PHGDH: variants seen among roughly 807,000 people sequenced by gnomAD.
PHGDH encodes phosphoglycerate dehydrogenase, also known as D-3-phosphoglycerate dehydrogenase.
Under a neutral mutation model 52.6 loss-of-function variants are expected in PHGDH, and 50 were observed. That is an observed-to-expected ratio of 0.95 (90% CI 0.76 to 1.20). The LOEUF is 1.20. Ranked by LOEUF, PHGDH falls within the 50% of genes most tolerant of loss-of-function variation. PHGDH has a pLI of 0.00. For synonymous variants in PHGDH, 271 were observed against 280.5 expected (o/e 0.97, Z 0.34); for missense variants, 630 against 684.6 (o/e 0.92, Z 0.89).
chr1:119,724,659 A>AT (rs34327221), intron 3 of PHGDH: 64,054 of 344,866 alleles, frequency 0.19, 2,825 homozygotes, highest in Non-Finnish European at 0.22. Context: ...ACCTTCAGGG[A>AT]TTTTTTTTTT....
At chr1:119,727,289 T>C in intron 5 of PHGDH, 187 bp downstream of exon 5, 1 of 625,186 alleles carries the variant, frequency 1.6e-6, no homozygotes. Flanking sequence ...ACTCAAAAGC[T>C]GGAAATACTT....
At chr1:119,731,125 G>A (rs1195450171) in intron 5 of PHGDH, among the ~76,000 whole-genome samples, 2 of 152,200 alleles carry the variant, frequency 1.3e-5, no homozygotes, top group Non-Finnish European at 2.9e-5. Context: ...AAAGAGCAGT[G>A]TGGTTGTCAG....
At chr1:119,740,649 A>C in intron 9 of PHGDH, 131 bp downstream of exon 9, 1 of 716,736 alleles carries the variant, frequency 1.4e-6, no homozygotes, top group Non-Finnish European at 2.3e-6. Context: ...CCCTGCCCTG[A>C]GTATAGCTCC....
At chr1:119,727,476 A>T in intron 5 of PHGDH, 1 of 337,874 alleles carries the variant, frequency 3.0e-6, no homozygotes, top group South Asian at 2.5e-5. Flanking sequence ...TTGAAAGTTA[A>T]GTGCAGAGTA....
chr1:119,740,545 G>A (rs1164491253), intron 9 of PHGDH, 27 bp downstream of exon 9: 2 of 1,539,950 alleles, frequency 1.3e-6, no homozygotes, highest in Non-Finnish European at 1.8e-6. Context: ...GCAGAGGGAG[G>A]GGGAGGAGGG....
intron 1 of PHGDH, chr1:119,720,096 C>T (rs1479963258): frequency 6.6e-6 from 1 of 152,158 alleles, no homozygotes; most frequent in Admixed American, 6.5e-5. Context: ...GACTTGCTCA[C>T]CTGCCCCATT....
At chr1:119,733,359 T>C (rs1006837397) in intron 5 of PHGDH, among the ~76,000 whole-genome samples, 4 of 148,134 alleles carry the variant, frequency 2.7e-5, no homozygotes, top group African/African-American at 5.1e-5. Context: ...TTTTTTTTTT[T>C]CTGAGACATC....
At chr1:119,728,274 T>C (rs78862827) in intron 5 of PHGDH, among the ~76,000 whole-genome samples, 1 of 152,196 alleles carries the variant, frequency 6.6e-6, no homozygotes, top group Non-Finnish European at 1.5e-5. Context: ...GGTGCTTGTG[T>C]CCTGCCCATT....
chr1:119,738,752 G>T (rs689198), intron 8 of PHGDH, among the ~76,000 whole-genome samples: 105,748 of 149,774 alleles, frequency 0.71, 37,393 homozygotes, highest in Middle Eastern at 0.82. Context: ...AGGGACTCCT[G>T]AATATAAGCT....
rs777155018 is a variant in PHGDH at position 119,735,340 on chromosome 1, G to A, written c.689G>A (p.Arg230His). 45 of 1,614,098 alleles carry A rather than the reference G, an allele frequency of 2.8e-5. No homozygotes were observed. Among genetic ancestry groups the A allele is most frequent in the African/African-American group, 2.5e-4 (19 of 74,946 alleles). The change falls in exon 7 of 12, where the codon CGT becomes CAT. Residue 230 changes from arginine (R) to histidine (H), a missense_variant. By Grantham distance (29) the Arg-to-His change is conservative. Coordinates refer to ENST00000641023, the MANE Select transcript of PHGDH (RefSeq NM_006623.4). Reference protein sequence around the residue: ...NTFAQCKKGVRVVNCARGGIV... With the variant: ...NTFAQCKKGVHVVNCARGGIV... ...TTTGCCCAGTGCAAGAAGGGGGTGC[G>A]TGTGGTGAACTGTGCCCGTGGAGGG...
At chr1:119,741,133 G>T (rs1370204183) in intron 9 of PHGDH, among the ~76,000 whole-genome samples, 1 of 152,218 alleles carries the variant, frequency 6.6e-6, no homozygotes, top group Non-Finnish European at 1.5e-5. Flanking sequence ...AGTGGATCCA[G>T]TACTGTGCGG....
In PHGDH at chr1:119,712,184, A is replaced by G. The variant is rs115928667; in HGVS notation, c.138+24A>G. 929 of 1,609,536 alleles carry G rather than the reference A, an allele frequency of 5.8e-4. 4 individuals are homozygous for G. In the African/African-American group the frequency reaches 0.011, roughly 19 times the overall value. On this transcript the variant is annotated intron_variant, in intron 1 of 11. Coordinates refer to ENST00000641023, the MANE Select transcript of PHGDH (RefSeq NM_006623.4). ...AGGTAAGGCGAGAGAGAGAAAATTG[A>G]GGTCTCTAGGGCAACCTCCATGGAA... is the stretch of plus-strand genomic sequence containing the variant.
At position 119,720,720 on chromosome 1, in the gene PHGDH, T is replaced by G. The variant is rs1651109680; in HGVS notation, c.139-450T>G. ...ATGACATTGCCTTTCTTTCTTTGGA[T>G]ATATCAAAATCAGCCAGCAGGCAGG... On this transcript the variant is annotated intron_variant, in intron 1 of 11. Coordinates refer to ENST00000641023, the MANE Select transcript of PHGDH (RefSeq NM_006623.4). 1.2e-5 allele frequency: 3 copies of G among 242,336 alleles called. No individual in the cohort carries two copies. The South Asian group carries it at 1.8e-4, about 14-fold the overall frequency. The allele number at this position is 242,336 out of a possible 1,614,324, so 15.0% of individuals were successfully genotyped here. A position where few individuals can be genotyped will look rare whatever the true frequency, so the allele number is the denominator to read the frequency against.
chr1:119,737,376 C>A, intron 8 of PHGDH, 110 bp downstream of exon 8: 1 of 974,630 alleles, frequency 1.0e-6, no homozygotes, highest in Non-Finnish European at 1.5e-6. Context: ...GCCCTGGGAG[C>A]TGAAGATAAG....
At chr1:119,723,784 A>T (rs1404768793) in intron 3 of PHGDH, among the ~76,000 whole-genome samples, 1 of 151,718 alleles carries the variant, frequency 6.6e-6, no homozygotes, top group African/African-American at 2.4e-5. Flanking sequence ...GCAGCAGGGT[A>T]TGGACAGTGT....
In PHGDH at chr1:119,735,429, G is replaced by A; in HGVS notation, c.778G>A (p.Asp260Asn). Reference sequence around the variant, plus strand: ...TGGCCAGTGTGCCGGGGCTGCACTGGACGTGTTTACGGAAGTAAGTGCCTG... The same window carrying A: ...TGGCCAGTGTGCCGGGGCTGCACTGAACGTGTTTACGGAAGTAAGTGCCTG... ...QSGQCAGAALDVFTEEPPRDR... is the reference protein window; with the variant it reads ...QSGQCAGAALNVFTEEPPRDR... The change falls in exon 7 of 12, where the codon GAC becomes AAC. Residue 260 changes from aspartate (D) to asparagine (N), a missense_variant. Physicochemically the swap from Asp to Asn is conservative, Grantham distance 23. Transcript: ENST00000641023. 4 of 1,613,328 alleles carry A rather than the reference G, an allele frequency of 2.5e-6. No homozygotes were observed. Among genetic ancestry groups the A allele is most frequent in the East Asian group, 4.5e-5 (2 of 44,890 alleles).
intron 7 of PHGDH, among the ~76,000 whole-genome samples, chr1:119,736,250 T>G (rs1361085411): frequency 2.6e-5 from 4 of 152,174 alleles, no homozygotes. Context: ...AGCTCTTAGA[T>G]CATAAGCTCC....
In PHGDH at chr1:119,711,936, A is replaced by AGGCC; in HGVS notation, c.-86_-85insGCCG. ...GAGCGGGAGCTGGAGAATACTGCCC[A>AGGCC]GTTACTCTAGCGCGCCAGGCCGAAC... On this transcript the variant is annotated 5_prime_UTR_variant, in exon 1 of 12. Transcript: ENST00000641023. 2 of 1,363,066 alleles carry AGGCC rather than the reference A, an allele frequency of 1.5e-6. No homozygotes were observed. The highest frequency in any genetic ancestry group is 2.1e-6 in the Non-Finnish European group (2 of 953,606). The allele number at this position is 1,363,066 out of a possible 1,614,324, so 84.4% of individuals were successfully genotyped here.
intron 8 of PHGDH, 47 bp downstream of exon 8, chr1:119,737,313 G>GAGGA (rs1651988057): frequency 3.9e-6 from 6 of 1,548,036 alleles, no homozygotes; most frequent in East Asian, 2.3e-5. Context: ...AGAGGGAGGA[G>GAGGA]AGGAAGGAAG....
Sources: gnomAD v4.1 joint callset for allele counts (sites outside exome capture counted in the v4.1 genomes callset) on GRCh38, gnomAD v4.1.1 for gene constraint, MANE v1.5 for transcripts, NCBI Gene and HGNC (gene_info 2026-07-23, HGNC 2026-07-21) for gene names.